Variants in ASXL3 observed in about 807,000 individuals in gnomAD.
The protein encoded by ASXL3 is putative Polycomb group protein ASXL3.
A neutral mutation model predicts 170.6 loss-of-function variants in ASXL3; 34 were observed. The ratio of observed to expected loss-of-function variants is 0.20; its 90% CI spans 0.15 to 0.27. The LOEUF (loss-of-function observed/expected upper bound fraction) is 0.27. Among genes scored for constraint, ASXL3 ranks in the 10% least tolerant of loss-of-function variants. The pLI, the probability that ASXL3 is intolerant of heterozygous loss-of-function variation, is 1.00. For synonymous variants in ASXL3, 1,002 were observed against 989.1 expected (o/e 1.01, Z -0.24); for missense variants, 2,592 against 2,695.3 (o/e 0.96, Z 0.85).
At chr18:33,725,144 C>T (rs1007141198) in intron 8 of ASXL3, among the ~76,000 whole-genome samples, 2 of 152,038 alleles carry the variant, frequency 1.3e-5, no homozygotes, top group Non-Finnish European at 2.9e-5. Flanking sequence ...GTATAAGTGG[C>T]TCAATGATAA....
chr18:33,690,503 TTACG>T, intron 8 of ASXL3, among the ~76,000 whole-genome samples: 1 of 152,320 alleles, frequency 6.6e-6, no homozygotes, highest in South Asian at 2.1e-4. Context: ...GTGAGCCTAT[TTACG>T]TAATATATAA....
chr18:33,640,537 C>G (rs2065829916), intron 2 of ASXL3, among the ~76,000 whole-genome samples: 1 of 152,008 alleles, frequency 6.6e-6, no homozygotes, highest in Non-Finnish European at 1.5e-5. Context: ...TCTAAGTGTA[C>G]ATTATTAATG....
chr18:33,593,406 C>A (rs1233169861), intron 1 of ASXL3, among the ~76,000 whole-genome samples: 5 of 151,810 alleles, frequency 3.3e-5, no homozygotes, highest in Non-Finnish European at 7.4e-5. Context: ...CGGGCTGTTT[C>A]CCACCAGTTT....
At chr18:33,678,351 A>G (rs115338059) in intron 7 of ASXL3, among the ~76,000 whole-genome samples, 3 of 152,076 alleles carry the variant, frequency 2.0e-5, no homozygotes, top group African/African-American at 7.2e-5. Context: ...TTGCTTCTCT[A>G]TGTGAGTGTG....
At chr18:33,672,405 C>T (rs1420525609) in intron 7 of ASXL3, among the ~76,000 whole-genome samples, 1 of 152,162 alleles carries the variant, frequency 6.6e-6, no homozygotes, top group African/African-American at 2.4e-5. Context: ...TCTTTCAAAT[C>T]AGCACCAGGT....
intron 2 of ASXL3, among the ~76,000 whole-genome samples, chr18:33,632,100 A>C (rs1258663142): frequency 1.1e-4 from 16 of 152,240 alleles, no homozygotes; most frequent in East Asian, 1.9e-4. Context: ...GTATTTAAAG[A>C]AATGGTTCCT....
At chr18:33,628,566 C>T (rs769562761) in intron 2 of ASXL3, among the ~76,000 whole-genome samples, 1 of 152,058 alleles carries the variant, frequency 6.6e-6, no homozygotes, top group Non-Finnish European at 1.5e-5. Flanking sequence ...TCTTCACACT[C>T]TATGCTGAAA....
In ASXL3 at chr18:33,746,768, A is replaced by G; in HGVS notation, c.*173A>G. The G allele has an allele frequency of 9.2e-7, 1 of 1,083,084 alleles. No homozygotes were observed. Among genetic ancestry groups the G allele is most frequent in the Non-Finnish European group, 1.3e-6 (1 of 794,570 alleles). The allele number at this position is 1,083,084 out of a possible 1,614,324, so 67.1% of individuals were successfully genotyped here. A position where few individuals can be genotyped will look rare whatever the true frequency, so the allele number is the denominator to read the frequency against. ...GCATTTCTCATAAAGGGGAGGATGCATCCCAACTGAATGGCTCACTGGCAT... is the reference window on the plus strand; with the variant it reads ...GCATTTCTCATAAAGGGGAGGATGCGTCCCAACTGAATGGCTCACTGGCAT... On this transcript the variant is annotated 3_prime_UTR_variant, in exon 12 of 12. Coordinates refer to ENST00000269197, the MANE Select transcript of ASXL3 (RefSeq NM_030632.3).
At chr18:33,715,021 G>T (rs1458533940) in intron 8 of ASXL3, among the ~76,000 whole-genome samples, 1 of 152,100 alleles carries the variant, frequency 6.6e-6, no homozygotes, top group African/African-American at 2.4e-5. Flanking sequence ...GGTTCTTCTA[G>T]CTGGTAGAAG....
rs372823990 is a variant in ASXL3, at chr18:33,740,139, A to G, written c.2735A>G (p.Asp912Gly). 3.7e-5 allele frequency: 59 copies of G among 1,613,842 alleles called. No homozygotes were observed. The highest frequency in any genetic ancestry group is 4.4e-5 in the Non-Finnish European group (52 of 1,179,890). ...LQDKQYISSV[D>G]KAPFSEGSRN... ...GACAAGCAATATATCTCATCAGTGG[A>G]TAAGGCTCCATTTTCAGAAGGCTCT... is the stretch of plus-strand genomic sequence containing the variant. The change falls in exon 11 of 12, where the codon GAT (aspartate) becomes GGT (glycine). Residue 912 changes from aspartate (D) to glycine (G), a missense_variant. Coordinates refer to ENST00000269197, the MANE Select transcript of ASXL3 (RefSeq NM_030632.3).
intron 8 of ASXL3, among the ~76,000 whole-genome samples, chr18:33,699,939 T>G (rs73955179): frequency 0.022 from 3,349 of 152,190 alleles, 61 homozygotes; most frequent in South Asian, 0.1. Flanking sequence ...GAATGATAAT[T>G]TTATCTCCTT....
chr18:33,645,231 T>C (rs2065900580), intron 3 of ASXL3, among the ~76,000 whole-genome samples: 1 of 152,024 alleles, frequency 6.6e-6, no homozygotes, highest in African/African-American at 2.4e-5. Flanking sequence ...AGAATACTTG[T>C]AGCTTCCTTA....
intron 7 of ASXL3, among the ~76,000 whole-genome samples, chr18:33,676,151 G>A (rs1317550724): frequency 6.9e-6 from 1 of 145,668 alleles, no homozygotes; most frequent in Admixed American, 7.2e-5. Context: ...GTGAACCCGG[G>A]AGGCGGAGCT....
At position 33,662,429 on chromosome 18, in the gene ASXL3, T is replaced by C. The variant is rs182984042; in HGVS notation, c.477+692T>C. ...ATCTAGAAAATGTGGGAAATAATAG[T>C]ATCTTGCTCCTGGGATTGATCCGAG... is the stretch of plus-strand genomic sequence containing the variant. On this transcript the variant is annotated intron_variant, in intron 5 of 11. Transcript: ENST00000269197. Among the ~76,000 whole-genome samples, 232 of 152,288 alleles carry C rather than the reference T, an allele frequency of 1.5e-3. 1 individual carries two copies. Among genetic ancestry groups the C allele is most frequent in the African/African-American group, 5.3e-3 (220 of 41,578 alleles).
chr18:33,737,110 T>C (rs1391716909), intron 10 of ASXL3, among the ~76,000 whole-genome samples: 2 of 152,120 alleles, frequency 1.3e-5, no homozygotes, highest in Admixed American at 1.3e-4. Flanking sequence ...TATAGTATAG[T>C]TATAAATTGT....
intron 2 of ASXL3, among the ~76,000 whole-genome samples, chr18:33,634,940 TA>T (rs1407484636): frequency 2.0e-5 from 3 of 152,064 alleles, no homozygotes; most frequent in Admixed American, 1.3e-4. Context: ...GCTACAATAG[TA>T]GCATAGGCTG....
At chr18:33,729,421 A>C (rs528090612) in intron 8 of ASXL3, among the ~76,000 whole-genome samples, 33 of 152,242 alleles carry the variant, frequency 2.2e-4, no homozygotes, top group African/African-American at 7.5e-4. Context: ...AGAGTGTTAT[A>C]GACTTATGTT....
intron 1 of ASXL3, among the ~76,000 whole-genome samples, chr18:33,586,893 G>A (rs952399545): frequency 5.3e-5 from 8 of 152,194 alleles, no homozygotes; most frequent in African/African-American, 1.9e-4. Flanking sequence ...CAGTGTTCCT[G>A]TCTATTAGGG....
Position 33,746,049 on chromosome 18 carries a change from T to G in ASXL3, c.6201T>G (p.Leu2067=). The G allele has an allele frequency of 6.2e-7, 1 of 1,612,746 alleles. No individual in the cohort carries two copies. Among genetic ancestry groups the G allele is most frequent in the Non-Finnish European group, 8.5e-7 (1 of 1,179,746 alleles). ...TTACCATGGAAACCACTAAGAGACT[T>G]AGTTGGCCACAGTCCACGGGCATAT... ...PPVTMETTKR[L]SWPQSTGICS... is the part of the protein sequence containing the mutation. The change falls in exon 12 of 12, where the codon CTT becomes CTG. Residue 2067 remains leucine, a synonymous_variant. Coordinates refer to ENST00000269197, the MANE Select transcript of ASXL3 (RefSeq NM_030632.3).
Sources: allele counts gnomAD v4.1 joint callset (sites outside exome capture counted in the v4.1 genomes callset), GRCh38; gene constraint gnomAD v4.1.1; transcripts MANE v1.5; gene names NCBI Gene and HGNC (gene_info 2026-07-23, HGNC 2026-07-21).